RYR2: variants seen among roughly 807,000 people sequenced by gnomAD.
RYR2 encodes ryanodine receptor 2, also known as cardiac muscle ryanodine receptor-calcium release channel.
RYR2 carries 227 observed loss-of-function variants against 601.1 expected under a neutral mutation model. The observed-to-expected ratio is 0.38, with a 90% CI of 0.34 to 0.42. The LOEUF (loss-of-function observed/expected upper bound fraction) is 0.42, where lower values mean the gene tolerates loss of function less well. Ranked by LOEUF, RYR2 falls within the 10% of genes least tolerant of loss-of-function variation. RYR2 has a pLI of 1.00. For synonymous variants in RYR2, 2,223 were observed against 2,175.1 expected, an observed-to-expected ratio of 1.02 and a Z score of -0.61; for missense variants, 4,646 against 6,156.5, an observed-to-expected ratio of 0.75 and a Z score of 8.21.
At position 237,536,214 on chromosome 1, in the gene RYR2, T is replaced by G. The variant is rs1668591370; in HGVS notation, c.2906+5704T>G. 2.0e-5 allele frequency among the ~76,000 whole-genome samples: 3 copies of G among 152,252 alleles called. No homozygotes were observed. In the South Asian group the frequency reaches 6.2e-4, roughly 31 times the overall value. On this transcript the variant is annotated intron_variant, in intron 25 of 104. Transcript: ENST00000366574. ...TTCCTTAACCTTGCTTTATTTCTTTTTAAGTGTGCTTCTGCACTTGATGTT... is the reference window on the plus strand; with the variant it reads ...TTCCTTAACCTTGCTTTATTTCTTTGTAAGTGTGCTTCTGCACTTGATGTT...
intron 2 of RYR2, among the ~76,000 whole-genome samples, chr1:237,303,849 A>T (rs563344358): frequency 3.9e-5 from 6 of 152,198 alleles, no homozygotes; most frequent in Non-Finnish European, 7.3e-5. Context: ...TTGAGAATAC[A>T]GATTCATGAG....
chr1:237,528,438 C>T (rs1464957538), intron 24 of RYR2, among the ~76,000 whole-genome samples: 1 of 152,090 alleles, frequency 6.6e-6, no homozygotes, highest in East Asian at 1.9e-4. Context: ...AACATATCAG[C>T]CATGGATAAG....
intron 20 of RYR2, among the ~76,000 whole-genome samples, chr1:237,500,456 C>T (rs1026170425): frequency 1.1e-4 from 16 of 152,158 alleles, no homozygotes; most frequent in African/African-American, 3.1e-4. Context: ...AGTTGCCATC[C>T]GTCTACATGC....
intron 1 of RYR2, among the ~76,000 whole-genome samples, chr1:237,207,851 A>G (rs1681991788): frequency 6.6e-6 from 1 of 152,238 alleles, no homozygotes; most frequent in Non-Finnish European, 1.5e-5. Flanking sequence ...GGTTTTTGCA[A>G]TTACTTTTAA....
At chr1:237,490,379 G>T (rs765685452) in intron 17 of RYR2, among the ~76,000 whole-genome samples, 1 of 152,144 alleles carries the variant, frequency 6.6e-6, no homozygotes, top group Admixed American at 6.5e-5. Context: ...GTGCTCTATA[G>T]CAATCAATAA....
chr1:237,625,066 A>G (rs914590645), intron 39 of RYR2, among the ~76,000 whole-genome samples: 6 of 151,002 alleles, frequency 4.0e-5, no homozygotes, highest in Non-Finnish European at 5.9e-5. Context: ...TTTTTTTTCT[A>G]CAAGTATCCC....
chr1:237,776,776 C>T (rs1300792271), intron 87 of RYR2, among the ~76,000 whole-genome samples: 1 of 152,056 alleles, frequency 6.6e-6, no homozygotes, highest in Non-Finnish European at 1.5e-5. Flanking sequence ...GAGTGCACCA[C>T]GGAGCTGGCC....
At chr1:237,257,774 G>T (rs1384661415) in intron 1 of RYR2, among the ~76,000 whole-genome samples, 1 of 152,144 alleles carries the variant, frequency 6.6e-6, no homozygotes, top group Non-Finnish European at 1.5e-5. Context: ...AGGGTGAGAA[G>T]GAGAGGAGAG....
intron 1 of RYR2, among the ~76,000 whole-genome samples, chr1:237,255,205 T>G (rs572714904): frequency 2.0e-5 from 3 of 152,312 alleles, no homozygotes; most frequent in Admixed American, 2.0e-4. Flanking sequence ...GCATTTTTGT[T>G]GATGTTACTG....
At chr1:237,150,977 AG>A (rs1674647203) in intron 1 of RYR2, among the ~76,000 whole-genome samples, 2 of 152,162 alleles carry the variant, frequency 1.3e-5, no homozygotes, top group Non-Finnish European at 2.9e-5. Context: ...TTTAGATCTC[AG>A]GGTTTCGATT....
rs374418643 is a variant in RYR2 at position 237,643,419 on chromosome 1, C to T, written c.7314C>T (p.Ile2438=). The change falls in exon 48 of 105, where the codon ATC becomes ATT. Residue 2438 remains isoleucine (I), a synonymous_variant. Transcript: ENST00000366574. The stretch of plus-strand genomic sequence containing the variant: ...GAGATTTGGTGGGCGTTATCAGCAT[C>T]GCTTTTCAGATGCCAACAATAGCCA... ...PLGDLVGVIS[I]AFQMPTIAKD... The T allele has an allele frequency of 2.3e-5, 37 of 1,613,742 alleles. No homozygotes were observed. In the East Asian group the frequency reaches 3.1e-4, roughly 14 times the overall value.
In RYR2 at chr1:237,649,990, T is replaced by C; in HGVS notation, c.7626T>C (p.Ala2542=). The change falls in exon 50 of 105, where the codon GCT becomes GCC. Residue 2542 remains alanine (A), a synonymous_variant. Coordinates refer to ENST00000366574, the MANE Select transcript of RYR2 (RefSeq NM_001035.3). ...TCTTTGCTGGCACAGAGCACCACGC[T>C]TCTCTCATTGACTCATTACTTCATA... is the stretch of plus-strand genomic sequence containing the variant. ...APLFAGTEHH[A]SLIDSLLHTV... The C allele has an allele frequency of 6.2e-7, 1 of 1,614,046 alleles. No individual in the cohort carries two copies. Among genetic ancestry groups the C allele is most frequent in the Non-Finnish European group, 8.5e-7 (1 of 1,179,888 alleles).
chr1:237,358,365 T>C (rs1287900800), intron 4 of RYR2, among the ~76,000 whole-genome samples: 2 of 152,076 alleles, frequency 1.3e-5, no homozygotes, highest in Non-Finnish European at 2.9e-5. Flanking sequence ...CCTCACGCCC[T>C]ACTTGGTACC....
intron 27 of RYR2, 35 bp downstream of exon 27, chr1:237,550,726 A>G (rs745818403): frequency 2.1e-5 from 32 of 1,531,308 alleles, no homozygotes; most frequent in Non-Finnish European, 2.5e-5. Context: ...CTTCGGTTGC[A>G]AGATGATGTA....
At chr1:237,383,163 A>AT (rs539772508) in intron 8 of RYR2, among the ~76,000 whole-genome samples, 96 of 152,238 alleles carry the variant, frequency 6.3e-4, no homozygotes, top group African/African-American at 2.2e-3. Flanking sequence ...TATTGACCTC[A>AT]TCATAAAAAT....
At chr1:237,644,132 C>T (rs1349173597) in intron 48 of RYR2, among the ~76,000 whole-genome samples, 3 of 152,150 alleles carry the variant, frequency 2.0e-5, no homozygotes, top group Non-Finnish European at 4.4e-5. Flanking sequence ...TTTTCATTGT[C>T]ACTTTCTTGT....
At chr1:237,057,368 G>A (rs2148207825) in intron 1 of RYR2, among the ~76,000 whole-genome samples, 1 of 152,184 alleles carries the variant, frequency 6.6e-6, no homozygotes, top group Middle Eastern at 3.4e-3. Context: ...TGTATTTTTA[G>A]TAGAGATGGG....
chr1:237,664,724 G>T (rs1684137338), intron 56 of RYR2, among the ~76,000 whole-genome samples: 1 of 152,192 alleles, frequency 6.6e-6, no homozygotes, highest in Non-Finnish European at 1.5e-5. Flanking sequence ...CATAATAATG[G>T]ATGAAGGGGA....
chr1:237,301,543 T>TGG (rs959863785), intron 2 of RYR2, among the ~76,000 whole-genome samples: 14 of 152,308 alleles, frequency 9.2e-5, no homozygotes, highest in African/African-American at 2.9e-4. Flanking sequence ...AATACAGAGC[T>TGG]TCCTGCTACA....
Sources: gnomAD v4.1 joint callset for allele counts (sites outside exome capture counted in the v4.1 genomes callset) on GRCh38, gnomAD v4.1.1 for gene constraint, MANE v1.5 for transcripts, NCBI Gene and HGNC (gene_info 2026-07-23, HGNC 2026-07-21) for gene names.